Variants in ROBO1 observed in about 807,000 individuals in gnomAD.
ROBO1 encodes the protein roundabout guidance receptor 1.
A neutral mutation model predicts 195.9 loss-of-function variants in ROBO1; 149 were observed. The observed-to-expected ratio is 0.76, with a 90% CI of 0.67 to 0.87. ROBO1 has a LOEUF of 0.87. ROBO1 is among the 40% of genes least tolerant of loss of function. The pLI is 0.00. For missense variants in ROBO1, 1,933 were observed against 2,068.3 expected (o/e 0.93, Z 1.27); for synonymous variants, 816 against 733.2 (o/e 1.11, Z -1.82).
At chr3:79,433,506 C>A (rs1426013470) in intron 2 of ROBO1, among the ~76,000 whole-genome samples, 3 of 152,056 alleles carry the variant, frequency 2.0e-5, no homozygotes, top group Non-Finnish European at 4.4e-5. Flanking sequence ...TCAAGCAATC[C>A]TTCTGCCTCA....
intron 4 of ROBO1, among the ~76,000 whole-genome samples, chr3:78,781,910 C>G (rs897661552): frequency 1.3e-5 from 2 of 151,960 alleles, no homozygotes. Flanking sequence ...TGTAAATGTA[C>G]AAAAGTGTAC....
At chr3:78,747,395 T>A (rs2082683313) in intron 4 of ROBO1, among the ~76,000 whole-genome samples, 1 of 152,206 alleles carries the variant, frequency 6.6e-6, no homozygotes, top group African/African-American at 2.4e-5. Flanking sequence ...ATATATAAAA[T>A]TAATGTATAA....
At chr3:78,884,457 A>G (rs111866447) in intron 4 of ROBO1, among the ~76,000 whole-genome samples, 9 of 151,996 alleles carry the variant, frequency 5.9e-5, no homozygotes, top group Non-Finnish European at 1.2e-4. Flanking sequence ...TGCAAAAAAA[A>G]TTCTTTAAAA....
intron 2 of ROBO1, among the ~76,000 whole-genome samples, chr3:79,504,149 T>A (rs1940267725): frequency 6.6e-6 from 1 of 152,172 alleles, no homozygotes; most frequent in South Asian, 2.1e-4. Flanking sequence ...TGTAATACTA[T>A]ATGTAGCATT....
At chr3:78,859,299 T>G (rs2034643620) in intron 4 of ROBO1, among the ~76,000 whole-genome samples, 1 of 152,216 alleles carries the variant, frequency 6.6e-6, no homozygotes, top group African/African-American at 2.4e-5. Flanking sequence ...CCCTTATTCA[T>G]GGAACTAGAA....
intron 3 of ROBO1, among the ~76,000 whole-genome samples, chr3:78,974,331 A>T (rs995586634): frequency 6.6e-6 from 1 of 152,000 alleles, no homozygotes; most frequent in Non-Finnish European, 1.5e-5. Flanking sequence ...TTAGGAAATT[A>T]AAAAAAAGAA....
At chr3:79,650,606 A>G (rs1945975576) in intron 1 of ROBO1, among the ~76,000 whole-genome samples, 1 of 151,778 alleles carries the variant, frequency 6.6e-6, no homozygotes, top group Non-Finnish European at 1.5e-5. Context: ...AAATATAGAA[A>G]AAAAACCCTT....
chr3:78,788,103 C>A (rs116677182), intron 4 of ROBO1, among the ~76,000 whole-genome samples: 5,256 of 145,710 alleles, frequency 0.036, 113 homozygotes, highest in Non-Finnish European at 0.047. Context: ...CCGCGCCCGA[C>A]TGATTTTGTT....
At chr3:78,877,973 T>A (rs1257769950) in intron 4 of ROBO1, among the ~76,000 whole-genome samples, 1 of 152,166 alleles carries the variant, frequency 6.6e-6, no homozygotes, top group East Asian at 1.9e-4. Context: ...TGTGCAGGCA[T>A]CTGGCTTCCG....
At chr3:79,304,343 T>G (rs2109071780) in intron 2 of ROBO1, among the ~76,000 whole-genome samples, 1 of 152,290 alleles carries the variant, frequency 6.6e-6, no homozygotes, top group South Asian at 2.1e-4. Flanking sequence ...AAATTCTACC[T>G]TTCAGTTAAA....
chr3:79,489,130 C>T (rs556404241), intron 2 of ROBO1, among the ~76,000 whole-genome samples: 55 of 148,704 alleles, frequency 3.7e-4, no homozygotes, highest in African/African-American at 1.3e-3. Flanking sequence ...ATATATAAAA[C>T]ATGTGGTAAG....
chr3:78,942,155 A>T (rs1447782280), intron 3 of ROBO1, among the ~76,000 whole-genome samples: 3 of 152,052 alleles, frequency 2.0e-5, no homozygotes, highest in African/African-American at 7.2e-5. Flanking sequence ...TCAAACAATT[A>T]GCCAGGTGTA....
chr3:79,725,516 G>A (rs1481199335), intron 1 of ROBO1, among the ~76,000 whole-genome samples: 4 of 151,990 alleles, frequency 2.6e-5, no homozygotes, highest in Non-Finnish European at 5.9e-5. Flanking sequence ...GTGAGCCACC[G>A]CGCCCGGCCC....
At chr3:79,323,982 T>C (rs1224431458) in intron 2 of ROBO1, among the ~76,000 whole-genome samples, 3 of 152,180 alleles carry the variant, frequency 2.0e-5, no homozygotes, top group South Asian at 4.1e-4. Context: ...AGACTGCACA[T>C]GTGTACCAAC....
intron 2 of ROBO1, among the ~76,000 whole-genome samples, chr3:79,428,001 A>G (rs1174882117): frequency 2.0e-5 from 3 of 152,024 alleles, no homozygotes; most frequent in Non-Finnish European, 2.9e-5. Flanking sequence ...AAATGAAAAG[A>G]CAACCCATAG....
intron 2 of ROBO1, among the ~76,000 whole-genome samples, chr3:79,494,095 G>A (rs538036427): frequency 2.6e-5 from 4 of 152,128 alleles, no homozygotes; most frequent in South Asian, 2.1e-4. Context: ...TGAAGAATGC[G>A]TGCCAAGTAC....
intron 3 of ROBO1, among the ~76,000 whole-genome samples, chr3:79,031,738 A>G (rs2078299333): frequency 6.6e-6 from 1 of 152,178 alleles, no homozygotes; most frequent in Admixed American, 6.6e-5. Flanking sequence ...TATTATTGTG[A>G]TTTCATCGTG....
intron 2 of ROBO1, among the ~76,000 whole-genome samples, chr3:79,471,829 A>T (rs139605895): frequency 0.022 from 3,379 of 152,086 alleles, 126 homozygotes; most frequent in African/African-American, 0.076. Flanking sequence ...GCAAACTGTC[A>T]CAAGAACAGA....
At chr3:78,703,863 C>T (rs1341301165) in intron 8 of ROBO1, among the ~76,000 whole-genome samples, 2 of 151,928 alleles carry the variant, frequency 1.3e-5, no homozygotes, top group South Asian at 2.1e-4. Flanking sequence ...TGAAGCACTG[C>T]TTACTGTAGC....
Sources: gnomAD v4.1 joint callset for allele counts (sites outside exome capture counted in the v4.1 genomes callset) on GRCh38, gnomAD v4.1.1 for gene constraint, MANE v1.5 for transcripts, NCBI Gene and HGNC (gene_info 2026-07-23, HGNC 2026-07-21) for gene names.